The following MTUS1 variants were observed in gnomAD, a reference collection of about 807,000 sequenced individuals.
The protein encoded by MTUS1 is microtubule associated scaffold protein 1, also known as microtubule-associated tumor suppressor 1.
MTUS1 carries 109 observed loss-of-function variants against 120.8 expected under a neutral mutation model. The observed-to-expected ratio is 0.90, with a 90% CI of 0.77 to 1.06. MTUS1 has a LOEUF of 1.06. Ranked by LOEUF, MTUS1 falls within the 50% of genes least tolerant of loss-of-function variation. The probability of loss-of-function intolerance (pLI) is 0.00; values close to 1 mark genes in which losing one functional copy is unlikely to be tolerated. For synonymous variants in MTUS1, 737 were observed against 550.5 expected, an observed-to-expected ratio of 1.34 and a Z score of -4.74; for missense variants, 2,210 against 1,486.3, an observed-to-expected ratio of 1.49 and a Z score of -8.01.
At chr8:17,672,522 G>C (rs1425580373) in intron 8 of MTUS1, among the ~76,000 whole-genome samples, 2 of 152,136 alleles carry the variant, frequency 1.3e-5, no homozygotes, top group Non-Finnish European at 2.9e-5. Context: ...CAATGTCAAA[G>C]TTAGTTTCAT....
intron 6 of MTUS1, among the ~76,000 whole-genome samples, chr8:17,710,046 TA>T (rs1282943193): frequency 6.6e-6 from 1 of 152,000 alleles, no homozygotes; most frequent in African/African-American, 2.4e-5. Context: ...ATTTCATTGC[TA>T]AAAAATGCTA....
intron 5 of MTUS1, among the ~76,000 whole-genome samples, 160 bp from the exon 6 acceptor site, chr8:17,713,412 G>A (rs992618146): frequency 5.3e-5 from 8 of 151,954 alleles, no homozygotes; most frequent in Admixed American, 2.6e-4. Flanking sequence ...TTTGTCAAGT[G>A]CATTTTAAAT....
intron 1 of MTUS1, among the ~76,000 whole-genome samples, chr8:17,784,780 CAAG>C (rs1474344383): frequency 8.2e-6 from 1 of 121,806 alleles, no homozygotes; most frequent in Non-Finnish European, 1.8e-5. Flanking sequence ...CTTTTTATAA[CAAG>C]AAGAACTTTT....
chr8:17,793,222 A>G (rs535948472), intron 1 of MTUS1, among the ~76,000 whole-genome samples: 1 of 152,174 alleles, frequency 6.6e-6, no homozygotes, highest in Non-Finnish European at 1.5e-5. Flanking sequence ...GATGTTCTCA[A>G]ACTGACTCTT....
intron 1 of MTUS1, among the ~76,000 whole-genome samples, chr8:17,778,103 G>C (rs1355967317): frequency 6.6e-6 from 1 of 152,074 alleles, no homozygotes; most frequent in Non-Finnish European, 1.5e-5. Flanking sequence ...AAATCTAATT[G>C]CCAAAAACTT....
intron 1 of MTUS1, among the ~76,000 whole-genome samples, chr8:17,791,779 T>C (rs971376286): frequency 2.6e-5 from 4 of 152,150 alleles, no homozygotes; most frequent in African/African-American, 9.7e-5. Flanking sequence ...CACCAGCAGA[T>C]CCAAGCAACA....
chr8:17,767,566 T>C (rs1017734199), intron 1 of MTUS1, among the ~76,000 whole-genome samples: 61 of 144,008 alleles, frequency 4.2e-4, no homozygotes, highest in African/African-American at 1.5e-3. Flanking sequence ...GGCATGGGGG[T>C]GCACACCTAT....
intron 3 of MTUS1, among the ~76,000 whole-genome samples, chr8:17,742,288 GTTGTT>G (rs2047387170): frequency 7.4e-4 from 50 of 67,582 alleles, no homozygotes; most frequent in African/African-American, 3.0e-3. Flanking sequence ...TTTTGTTGTT[GTTGTT>G]TTTTTTTTTT....
chr8:17,645,408 A>T lies in MTUS1; in HGVS notation c.*518T>A, dbSNP rs1452697901. Reference sequence around the variant, plus strand: ...TGTATATGCTGATTGATTGATTATTATTTGATTAGTACATATCCAGATATA... The same window carrying T: ...TGTATATGCTGATTGATTGATTATTTTTTGATTAGTACATATCCAGATATA... On this transcript the variant is annotated 3_prime_UTR_variant, in exon 15 of 15. Transcript: ENST00000693296. 6.5e-6 allele frequency: 1 copy of T among 152,798 alleles called. No individual in the cohort carries two copies. The highest frequency in any genetic ancestry group is 1.9e-4 in the East Asian group (1 of 5,164). 9.5% of individuals were successfully genotyped at this position (152,798 alleles called of 1,614,324 possible).
chr8:17,769,780 G>A (rs188053445), intron 1 of MTUS1, among the ~76,000 whole-genome samples: 8 of 151,902 alleles, frequency 5.3e-5, no homozygotes, highest in Non-Finnish European at 1.0e-4. Context: ...CTGTGAAGAC[G>A]ACATGAAAGC....
At chr8:17,661,555 A>G (rs1035861390) in intron 8 of MTUS1, among the ~76,000 whole-genome samples, 1 of 152,040 alleles carries the variant, frequency 6.6e-6, no homozygotes, top group African/African-American at 2.4e-5. Context: ...TGAATATGTA[A>G]TTGTGGCACA....
At chr8:17,672,282 G>T (rs958120616) in intron 8 of MTUS1, among the ~76,000 whole-genome samples, 7 of 152,112 alleles carry the variant, frequency 4.6e-5, no homozygotes, top group African/African-American at 1.4e-4. Context: ...TTAACACTTG[G>T]TGCTAGATGC....
chr8:17,760,057 T>C (rs1348623338), intron 1 of MTUS1, among the ~76,000 whole-genome samples: 1 of 56,112 alleles, frequency 1.8e-5, no homozygotes, highest in Non-Finnish European at 4.1e-5. Context: ...ATTTCTTTTC[T>C]TTTTTTTTTT....
chr8:17,755,999 G>C (rs1448966280), intron 1 of MTUS1, 38 bp from the exon 2 acceptor site: 1 of 1,340,388 alleles, frequency 7.5e-7, no homozygotes, highest in African/African-American at 1.5e-5. Flanking sequence ...GTAACTATAA[G>C]AAAAATTAAC....
intron 3 of MTUS1, among the ~76,000 whole-genome samples, chr8:17,739,575 G>C (rs761003674): frequency 2.6e-5 from 4 of 152,150 alleles, no homozygotes; most frequent in Non-Finnish European, 5.9e-5. Context: ...TTAATAATGT[G>C]TTGGTTAACA....
chr8:17,755,076 T>A lies in MTUS1; in HGVS notation c.732A>T (p.Thr244=), dbSNP rs1464785252. The A allele has an allele frequency of 6.2e-7, 1 of 1,613,870 alleles. No individual in the cohort carries two copies. Residue 244 remains threonine, a synonymous_variant, in exon 2 of 15, where the codon ACA becomes ACT. Coordinates refer to ENST00000693296, the MANE Select transcript of MTUS1 (RefSeq NM_001363059.2). ...TTTGCATCACCACATCAGAAAATGC[T>A]GTGTAAGTCATGTCTTGGGCTTCTG... ...TPSEAQDMTY[T]AFSDVVMQSE... is the part of the protein sequence containing the mutation.
intron 1 of MTUS1, among the ~76,000 whole-genome samples, chr8:17,790,424 G>A (rs115439286): frequency 0.019 from 2,867 of 151,828 alleles, 77 homozygotes; most frequent in African/African-American, 0.065. Context: ...GCTAATCTAT[G>A]AAGTGAGATA....
intron 4 of MTUS1, among the ~76,000 whole-genome samples, chr8:17,717,835 C>T (rs1043796393): frequency 6.6e-6 from 1 of 152,042 alleles, no homozygotes; most frequent in African/African-American, 2.4e-5. Context: ...TAGATCAACC[C>T]GGCACCACAC....
intron 7 of MTUS1, among the ~76,000 whole-genome samples, chr8:17,677,748 G>T (rs11203893): frequency 0.48 from 72,720 of 151,916 alleles, 20,142 homozygotes; most frequent in Middle Eastern, 0.66. Flanking sequence ...AAACCTTGAG[G>T]TCATCTTTCA....
Sources: gnomAD v4.1 joint callset for allele counts (sites outside exome capture counted in the v4.1 genomes callset) on GRCh38, gnomAD v4.1.1 for gene constraint, MANE v1.5 for transcripts, NCBI Gene and HGNC (gene_info 2026-07-23, HGNC 2026-07-21) for gene names.